The following URM1 variants were observed in gnomAD, a reference collection of about 807,000 sequenced individuals.
The protein encoded by URM1 is ubiquitin related modifier 1, also known as ubiquitin-related modifier 1.
URM1 carries 11 observed loss-of-function variants against 17.7 expected under a neutral mutation model. The ratio of observed to expected loss-of-function variants is 0.62; its 90% CI spans 0.39 to 1.03. The LOEUF is 1.03. Ranked by LOEUF, URM1 falls within the 50% of genes least tolerant of loss-of-function variation. URM1 has a pLI of 0.00. For synonymous variants in URM1, 48 were observed against 50.6 expected, an observed-to-expected ratio of 0.95 and a Z score of 0.22; for missense variants, 128 against 129.2, an observed-to-expected ratio of 0.99 and a Z score of 0.04.
chr9:128,378,149 C>T (rs1833102701), intron 2 of URM1, 43 bp downstream of exon 2: 2 of 1,449,182 alleles, frequency 1.4e-6, no homozygotes, highest in South Asian at 1.2e-5. Context: ...GGCCATTGAA[C>T]AGGAGTTGGT....
rs1243059552 is a variant in URM1 at position 128,390,527 on chromosome 9, A to C, written c.*793A>C. On this transcript the variant is annotated 3_prime_UTR_variant, in exon 5 of 5. Coordinates refer to ENST00000372853, the MANE Select transcript of URM1 (RefSeq NM_030914.4). ...GCCTCAGTTTCCTCCTCCACAACTG[A>C]ATATAGTGGCTGAAAACTGGGGAGA... The C allele has an allele frequency of 3.8e-5, 5 of 130,284 alleles. No homozygotes were observed. The highest frequency in any genetic ancestry group is 8.6e-5 in the African/African-American group (2 of 23,166). 8.1% of individuals were successfully genotyped at this position (130,284 alleles called of 1,614,324 possible). A position where few individuals can be genotyped will look rare whatever the true frequency, so the allele number is the denominator to read the frequency against.
intron 1 of URM1, among the ~76,000 whole-genome samples, chr9:128,375,705 G>T (rs572558667): frequency 6.6e-6 from 1 of 152,022 alleles, no homozygotes; most frequent in East Asian, 1.9e-4. Flanking sequence ...GACTACAGGC[G>T]CACACCACCA....
Position 128,387,831 on chromosome 9 carries a change from T to A in URM1, c.122T>A (p.Leu41Gln). 1 of 1,614,208 alleles carries A rather than the reference T, an allele frequency of 6.2e-7. No homozygotes were observed. The highest frequency in any genetic ancestry group is 8.5e-7 in the Non-Finnish European group (1 of 1,180,026). ...TCCTTTCCAGGGGACATCCGGAACC[T>A]GCTCATCTGGATCAAGAAGAATTTG... ...GQEEPWDIRN[L>Q]LIWIKKNLLK... is the part of the protein sequence containing the mutation. Residue 41 changes from leucine to glutamine, a missense_variant, in exon 3 of 5, where the codon CTG (leucine) becomes CAG (glutamine). Transcript: ENST00000372853. This position sits in a 1 kb window ranked among gnomAD's most constrained non-coding sequence, Gnocchi z 4.3.
At chr9:128,376,324 T>G (rs1031021288) in intron 1 of URM1, among the ~76,000 whole-genome samples, 14 of 152,140 alleles carry the variant, frequency 9.2e-5, no homozygotes, top group Non-Finnish European at 2.1e-4. Flanking sequence ...ATCACGCTAC[T>G]GCACTCCAGC....
At chr9:128,377,993 A>C in intron 1 of URM1, 43 bp from the exon 2 acceptor site, 1 of 1,608,648 alleles carries the variant, frequency 6.2e-7, no homozygotes, top group Non-Finnish European at 8.5e-7. Flanking sequence ...TCCTATTTGC[A>C]GGAGCTCACC....
intron 2 of URM1, among the ~76,000 whole-genome samples, chr9:128,383,514 C>G (rs1459920935): frequency 6.6e-6 from 1 of 152,148 alleles, no homozygotes; most frequent in Non-Finnish European, 1.5e-5. Flanking sequence ...CTTAGGGGAT[C>G]CTTTCTTCCA....
chr9:128,381,869 C>T (rs1179020565), intron 2 of URM1, among the ~76,000 whole-genome samples: 1 of 152,256 alleles, frequency 6.6e-6, no homozygotes. Flanking sequence ...AAGAGGCTCC[C>T]TGAATTACTC....
intron 2 of URM1, among the ~76,000 whole-genome samples, chr9:128,381,215 G>T (rs1476253938): frequency 6.6e-6 from 1 of 152,204 alleles, no homozygotes; most frequent in African/African-American, 2.4e-5. Context: ...ATATTCATTA[G>T]TGAGCAAAAT....
intron 2 of URM1, among the ~76,000 whole-genome samples, chr9:128,381,550 G>A (rs1016991257): frequency 1.3e-5 from 2 of 152,206 alleles, no homozygotes; most frequent in African/African-American, 4.8e-5. Flanking sequence ...TACAAAAATA[G>A]CTGGGCATGG....
intron 3 of URM1, chr9:128,388,390 A>T (rs1211912503): frequency 1.0e-6 from 1 of 986,466 alleles, no homozygotes; most frequent in Non-Finnish European, 1.2e-6. Context: ...ATGCACACAC[A>T]CTCACTGGGG....
chr9:128,389,116 C>A, intron 3 of URM1, 145 bp from the exon 4 acceptor site: 1 of 1,458,934 alleles, frequency 6.9e-7, no homozygotes, highest in South Asian at 1.5e-5. Flanking sequence ...GACCAGCCTC[C>A]CCTTCCTGGG....
At position 128,375,513 on chromosome 9, in the gene URM1, C is replaced by T. The variant is rs142625839; in HGVS notation, c.36-2523C>T. On this transcript the variant is annotated intron_variant, in intron 1 of 4. Transcript: ENST00000372853. The stretch of plus-strand genomic sequence containing the variant: ...ATTGCTTGAGCCCAGGAGTTCAAGA[C>T]CAGCCTGGGCAATAGAGTGAGACCT... Among the ~76,000 whole-genome samples, 575 of 152,074 alleles carry T rather than the reference C, an allele frequency of 3.8e-3. 18 individuals are homozygous for T. The East Asian group carries it at 0.088, about 23-fold the overall frequency.
intron 3 of URM1, chr9:128,388,488 C>A: frequency 1.0e-5 from 10 of 986,144 alleles, no homozygotes; most frequent in Non-Finnish European, 1.1e-5. Context: ...GCCAGTCCCC[C>A]ACGTGAAAGG....
At chr9:128,388,208 C>T in intron 3 of URM1, 1 of 1,186,178 alleles carries the variant, frequency 8.4e-7, no homozygotes, top group Non-Finnish European at 1.1e-6. Flanking sequence ...TTACTCTCTA[C>T]ACAGAAAGTG....
intron 2 of URM1, among the ~76,000 whole-genome samples, chr9:128,380,277 T>C (rs1833141542): frequency 6.6e-6 from 1 of 152,106 alleles, no homozygotes; most frequent in African/African-American, 2.4e-5. Context: ...CTCCCTCAGG[T>C]TGGAGAGCAG....
intron 1 of URM1, among the ~76,000 whole-genome samples, chr9:128,374,267 G>C (rs764089806): frequency 1.3e-5 from 2 of 152,158 alleles, no homozygotes; most frequent in Non-Finnish European, 2.9e-5. Flanking sequence ...GTCACTCTCT[G>C]AGCGAGACTG....
intron 2 of URM1, among the ~76,000 whole-genome samples, chr9:128,379,094 G>T (rs575626067): frequency 1.3e-5 from 2 of 152,302 alleles, no homozygotes; most frequent in Non-Finnish European, 2.9e-5. Context: ...TGGGATTCCA[G>T]TCTCCACCTA....
chr9:128,373,833 A>G (rs1287091072), intron 1 of URM1, among the ~76,000 whole-genome samples: 4 of 152,180 alleles, frequency 2.6e-5, no homozygotes, highest in African/African-American at 4.8e-5. Context: ...TTGAGTGTCT[A>G]CCATGTGCCA....
intron 2 of URM1, 69 bp downstream of exon 2, chr9:128,378,175 A>C (rs1833103149): frequency 9.1e-7 from 1 of 1,104,840 alleles, no homozygotes; most frequent in African/African-American, 1.6e-5. Flanking sequence ...GGGAACACTC[A>C]GCCCCGTTCA....
Sources: allele counts gnomAD v4.1 joint callset (sites outside exome capture counted in the v4.1 genomes callset), GRCh38; gene constraint gnomAD v4.1.1; non-coding constraint Gnocchi (gnomAD v3.1); transcripts MANE v1.5; gene names NCBI Gene and HGNC (gene_info 2026-07-23, HGNC 2026-07-21).